Variants in MCTP2 observed in about 807,000 individuals in gnomAD.
MCTP2 encodes the protein multiple C2 and transmembrane domain-containing protein 2.
A neutral mutation model predicts 111.6 loss-of-function variants in MCTP2; 132 were observed. The observed-to-expected ratio is 1.18, with a 90% CI of 1.03 to 1.37. The LOEUF is 1.37. Among genes scored for constraint, MCTP2 ranks in the 40% most tolerant of loss-of-function variants. The probability of loss-of-function intolerance (pLI) is 0.00; values close to 1 mark genes in which losing one functional copy is unlikely to be tolerated. For synonymous variants in MCTP2, 395 were observed against 387.7 expected (o/e 1.02, Z -0.22); for missense variants, 1,183 against 1,067.9 (o/e 1.11, Z -1.50).
intron 12 of MCTP2, among the ~76,000 whole-genome samples, chr15:94,379,578 A>G (rs2079983572): frequency 6.6e-6 from 1 of 151,742 alleles, no homozygotes; most frequent in African/African-American, 2.4e-5. Flanking sequence ...CTGGATGAGT[A>G]GAATGAAATG....
At chr15:94,266,095 C>CAT (rs1555443466) in intron 1 of MCTP2, among the ~76,000 whole-genome samples, 3 of 149,818 alleles carry the variant, frequency 2.0e-5, no homozygotes, top group East Asian at 3.9e-4. Flanking sequence ...CACACACACA[C>CAT]GTGCTCTACA....
intron 19 of MCTP2, among the ~76,000 whole-genome samples, chr15:94,449,469 G>T (rs549050185): frequency 2.0e-5 from 3 of 152,242 alleles, no homozygotes; most frequent in East Asian, 3.9e-4. Context: ...TTATTGTGAA[G>T]GAAACCTGTC....
chr15:94,460,161 A>G (rs562829362), intron 20 of MCTP2, among the ~76,000 whole-genome samples: 1 of 152,320 alleles, frequency 6.6e-6, no homozygotes, highest in South Asian at 2.1e-4. Flanking sequence ...AGGGAGAGGT[A>G]AGAGAGAATT....
At chr15:94,416,881 T>G (rs983669686) in intron 17 of MCTP2, among the ~76,000 whole-genome samples, 2 of 152,178 alleles carry the variant, frequency 1.3e-5, no homozygotes, top group Non-Finnish European at 2.9e-5. Flanking sequence ...GTCATCTCCT[T>G]CTCCCTCCCA....
chr15:94,243,723 A>G (rs1238610476), intron 1 of MCTP2, among the ~76,000 whole-genome samples: 1 of 113,562 alleles, frequency 8.8e-6, no homozygotes, highest in African/African-American at 3.8e-5. Context: ...ATGTATACAC[A>G]TACATATGTG....
intron 14 of MCTP2, among the ~76,000 whole-genome samples, chr15:94,390,747 T>C (rs59300739): frequency 7.1e-6 from 1 of 140,924 alleles, no homozygotes; most frequent in African/African-American, 2.7e-5. Flanking sequence ...TTTTTTTTTT[T>C]GGGATGGAGT....
chr15:94,401,090 A>T (rs941401387), intron 16 of MCTP2, among the ~76,000 whole-genome samples: 2 of 152,074 alleles, frequency 1.3e-5, no homozygotes, highest in Non-Finnish European at 2.9e-5. Context: ...TGGGAGAGAG[A>T]CATTTCCTTT....
chr15:94,285,382 T>C (rs890591319), intron 1 of MCTP2, among the ~76,000 whole-genome samples: 2 of 152,210 alleles, frequency 1.3e-5, no homozygotes, highest in East Asian at 3.8e-4. Flanking sequence ...AGTGACCCAC[T>C]CTTATCACTT....
At chr15:94,349,664 CA>C (rs1297727018) in intron 8 of MCTP2, among the ~76,000 whole-genome samples, 1 of 151,648 alleles carries the variant, frequency 6.6e-6, no homozygotes, top group Non-Finnish European at 1.5e-5. Flanking sequence ...ACTAAAAATA[CA>C]AAAAATTAGC....
chr15:94,367,850 G>A, intron 11 of MCTP2, 59 bp downstream of exon 11: 1 of 1,414,692 alleles, frequency 7.1e-7, no homozygotes. Context: ...TTAAAACAAA[G>A]TCTTTATTGA....
chr15:94,475,880 C>T (rs182994160), intron 21 of MCTP2, among the ~76,000 whole-genome samples: 6 of 151,244 alleles, frequency 4.0e-5, no homozygotes, highest in Admixed American at 2.6e-4. Flanking sequence ...CAAAGAGGGA[C>T]GGTCTATAGG....
intron 20 of MCTP2, among the ~76,000 whole-genome samples, chr15:94,464,256 ATTAT>A (rs1252220170): frequency 2.3e-5 from 1 of 43,962 alleles, no homozygotes; most frequent in African/African-American, 1.1e-4. Context: ...ATATATATAT[ATTAT>A]ATATATATAT....
chr15:94,321,147 C>T lies in MCTP2; in HGVS notation c.637+5510C>T, dbSNP rs572796882. On this transcript the variant is annotated intron_variant, in intron 4 of 22. Transcript: ENST00000357742. ...AGACAGAGAGGAGAATGCTTACTAC[C>T]AGAGGCTGGGAAGGGTGGGAATGGG... Among the ~76,000 whole-genome samples, 6 of 152,246 alleles carry T rather than the reference C, an allele frequency of 3.9e-5. No individual in the cohort carries two copies. In the East Asian group the frequency reaches 1.2e-3, roughly 29 times the overall value.
At chr15:94,414,222 C>A (rs901558854) in intron 17 of MCTP2, among the ~76,000 whole-genome samples, 2 of 152,084 alleles carry the variant, frequency 1.3e-5, no homozygotes, top group Admixed American at 6.6e-5. Context: ...AAAGTTCAAA[C>A]CAGTAATGTC....
rs977520391 is a variant in MCTP2, at chr15:94,284,716, A to T, written c.-65-13485A>T. Among the ~76,000 whole-genome samples, 3 of 152,336 alleles carry T rather than the reference A, an allele frequency of 2.0e-5. No individual in the cohort carries two copies. The East Asian group carries it at 5.8e-4, about 29-fold the overall frequency. On this transcript the variant is annotated intron_variant, in intron 1 of 22. Coordinates refer to ENST00000357742, the MANE Select transcript of MCTP2 (RefSeq NM_001385001.1). ...TGGGAAAGTCTTCACAGAGATGTTCATAGGCAGTGTGATTGCACAGAAGTG... is the reference window on the plus strand; with the variant it reads ...TGGGAAAGTCTTCACAGAGATGTTCTTAGGCAGTGTGATTGCACAGAAGTG...
At chr15:94,271,976 C>G (rs2073928397) in intron 1 of MCTP2, among the ~76,000 whole-genome samples, 1 of 152,148 alleles carries the variant, frequency 6.6e-6, no homozygotes, top group Non-Finnish European at 1.5e-5. Context: ...TATCCTTATT[C>G]CGGTGATGTT....
Position 94,358,478 on chromosome 15 carries a change from C to T in MCTP2, c.1171-4C>T. ...AATAAATATTATAACTGCATGTTTT[C>T]TAGACACTGTGTAAGAGTGCAAATC... On this transcript the variant is annotated splice_polypyrimidine_tract_variant and splice_region_variant and intron_variant, in intron 9 of 22. Coordinates refer to ENST00000357742, the MANE Select transcript of MCTP2 (RefSeq NM_001385001.1). 6.2e-7 allele frequency: 1 copy of T among 1,610,778 alleles called. No individual in the cohort carries two copies. The highest frequency in any genetic ancestry group is 1.3e-5 in the African/African-American group (1 of 74,848).
chr15:94,350,693 T>G (rs576629011), intron 8 of MCTP2, among the ~76,000 whole-genome samples: 1 of 152,346 alleles, frequency 6.6e-6, no homozygotes, highest in Admixed American at 6.5e-5. Flanking sequence ...ATAAAGTATT[T>G]TAAGTAAGAA....
chr15:94,317,673 C>T (rs1008220988), intron 4 of MCTP2, among the ~76,000 whole-genome samples: 1 of 152,186 alleles, frequency 6.6e-6, no homozygotes, highest in Non-Finnish European at 1.5e-5. Context: ...CACCACTACC[C>T]AGAAACATCT....
Sources: gnomAD v4.1 joint callset for allele counts (sites outside exome capture counted in the v4.1 genomes callset) on GRCh38, gnomAD v4.1.1 for gene constraint, MANE v1.5 for transcripts, NCBI Gene and HGNC (gene_info 2026-07-23, HGNC 2026-07-21) for gene names.